Variants in PCDHA5 observed in about 807,000 individuals in gnomAD.
PCDHA5 encodes the protein protocadherin alpha 5, also known as protocadherin alpha-5.
PCDHA5 carries 43 observed loss-of-function variants against 61.6 expected under a neutral mutation model. That is an observed-to-expected ratio of 0.70 (90% CI 0.55 to 0.90). The LOEUF (loss-of-function observed/expected upper bound fraction) is 0.90. Among genes scored for constraint, PCDHA5 ranks in the 40% least tolerant of loss-of-function variants. The pLI, the probability that PCDHA5 is intolerant of heterozygous loss-of-function variation, is 0.00. For missense variants in PCDHA5, 1,298 were observed against 1,222.7 expected, an observed-to-expected ratio of 1.06 and a Z score of -0.92; for synonymous variants, 627 against 543.9, an observed-to-expected ratio of 1.15 and a Z score of -2.13.
chr5:140,875,349 CTG>C, intron 1 of PCDHA5: 1 of 1,444,894 alleles, frequency 6.9e-7, no homozygotes, highest in Non-Finnish European at 9.1e-7. Context: ...TCCATAATGA[CTG>C]TGATGCTGGA....
chr5:140,842,574 T>C, intron 1 of PCDHA5: 1 of 1,508,332 alleles, frequency 6.6e-7, no homozygotes, highest in East Asian at 2.3e-5. Context: ...CGCGAGAGAG[T>C]GTCGGCCTAT....
intron 1 of PCDHA5, among the ~76,000 whole-genome samples, chr5:140,964,638 A>T (rs1402541821): frequency 3.9e-5 from 6 of 152,098 alleles, no homozygotes; most frequent in Admixed American, 2.0e-4. Context: ...ATTTATTTTC[A>T]GAAACAAGTA....
At chr5:140,965,903 A>T (rs73793545) in intron 1 of PCDHA5, among the ~76,000 whole-genome samples, 2,475 of 152,308 alleles carry the variant, frequency 0.016, 63 homozygotes, top group African/African-American at 0.056. Context: ...CTTGGATCCC[A>T]GGATGCTGGT....
At chr5:140,835,789 C>A (rs2150244748) in intron 1 of PCDHA5, 8 of 1,613,106 alleles carry the variant, frequency 5.0e-6, no homozygotes, top group Non-Finnish European at 5.9e-6. Context: ...GAGAACAACC[C>A]GCCGGGCTGC....
chr5:140,822,339 G>A lies in PCDHA5; in HGVS notation c.564G>A (p.Thr188=), dbSNP rs1347495985. The A allele has an allele frequency of 3.7e-6, 6 of 1,613,926 alleles. No homozygotes were observed. Among genetic ancestry groups the A allele is most frequent in the Non-Finnish European group, 4.2e-6 (5 of 1,179,978 alleles). The change falls in exon 1 of 4, where the codon ACG becomes ACA. Residue 188 remains threonine (T), a synonymous_variant. Transcript: ENST00000529859. ...DLDVKTNEEE[T]NFLELVLRKS... is the part of the protein sequence containing the mutation. ...ATGTTAAAACAAATGAAGAAGAAACGAACTTTTTAGAGCTGGTTTTGAGGA... is the reference window on the plus strand; with the variant it reads ...ATGTTAAAACAAATGAAGAAGAAACAAACTTTTTAGAGCTGGTTTTGAGGA...
At chr5:140,867,409 T>C (rs1299874634) in intron 1 of PCDHA5, 1 of 152,170 alleles carries the variant, frequency 6.6e-6, no homozygotes, top group Admixed American at 6.5e-5. Context: ...ATGTCTCCTT[T>C]AATTTTTTAA....
intron 1 of PCDHA5, chr5:140,858,328 G>A (rs782462952): frequency 3.1e-6 from 5 of 1,596,534 alleles, no homozygotes; most frequent in East Asian, 2.2e-5. Context: ...GTTCTGGGGA[G>A]GGCCTGCCCA....
chr5:140,891,076 A>G (rs2062939819), intron 1 of PCDHA5, among the ~76,000 whole-genome samples: 1 of 152,160 alleles, frequency 6.6e-6, no homozygotes, highest in African/African-American at 2.4e-5. Flanking sequence ...TCCAGTGTCT[A>G]CTGGTTTCCA....
intron 3 of PCDHA5, among the ~76,000 whole-genome samples, chr5:140,985,928 C>G (rs1001132600): frequency 9.9e-5 from 15 of 151,534 alleles, no homozygotes; most frequent in Non-Finnish European, 1.3e-4. Context: ...TTTAGTAGAG[C>G]CGGGGTTTCA....
intron 1 of PCDHA5, among the ~76,000 whole-genome samples, chr5:140,953,652 G>A (rs2094921965): frequency 6.6e-6 from 1 of 152,102 alleles, no homozygotes; most frequent in South Asian, 2.1e-4. Context: ...AGCTATAGTT[G>A]TTATCTCTGG....
intron 1 of PCDHA5, chr5:140,847,744 C>T (rs1554141887): frequency 6.7e-6 from 1 of 149,678 alleles, no homozygotes; most frequent in Non-Finnish European, 1.5e-5. Flanking sequence ...ATTTTCTCCC[C>T]ACGCAACACA....
intron 1 of PCDHA5, chr5:140,843,278 G>A (rs147078401): frequency 6.3e-7 from 1 of 1,595,978 alleles, no homozygotes; most frequent in Non-Finnish European, 8.6e-7. Flanking sequence ...CCTGGTGAAG[G>A]ATCATGGTGA....
intron 1 of PCDHA5, among the ~76,000 whole-genome samples, chr5:140,963,188 G>A (rs1333064851): frequency 6.6e-6 from 1 of 151,712 alleles, no homozygotes; most frequent in African/African-American, 2.4e-5. Context: ...GCTGTAGACT[G>A]TGAAAATGAA....
At chr5:140,858,685 T>C in intron 1 of PCDHA5, 1 of 595,990 alleles carries the variant, frequency 1.7e-6, no homozygotes, top group Non-Finnish European at 2.8e-6. Flanking sequence ...AATACACTAA[T>C]ATTTTCCAAT....
At chr5:140,904,399 T>C (rs1583526237) in intron 1 of PCDHA5, among the ~76,000 whole-genome samples, 1 of 151,316 alleles carries the variant, frequency 6.6e-6, no homozygotes, top group East Asian at 1.9e-4. Flanking sequence ...TTCCATGGTG[T>C]ATTATATATA....
At chr5:140,870,416 C>T in intron 1 of PCDHA5, 1 of 1,614,230 alleles carries the variant, frequency 6.2e-7, no homozygotes, top group Non-Finnish European at 8.5e-7. Flanking sequence ...TGGGCCACGG[C>T]CAGGGTATCC....
At chr5:140,943,547 C>T (rs1376489824) in intron 1 of PCDHA5, among the ~76,000 whole-genome samples, 20 of 152,104 alleles carry the variant, frequency 1.3e-4, no homozygotes, top group African/African-American at 4.6e-4. Context: ...TGTAAATAGA[C>T]GTAGACAATA....
At chr5:140,974,496 T>C (rs1554236114) in intron 1 of PCDHA5, among the ~76,000 whole-genome samples, 1 of 152,198 alleles carries the variant, frequency 6.6e-6, no homozygotes, top group Non-Finnish European at 1.5e-5. Flanking sequence ...TCAAATGTAT[T>C]ACCTTTGTGT....
At chr5:140,888,686 T>C (rs1326536229) in intron 1 of PCDHA5, among the ~76,000 whole-genome samples, 1 of 152,214 alleles carries the variant, frequency 6.6e-6, no homozygotes, top group Non-Finnish European at 1.5e-5. Context: ...AAGAGGTCTC[T>C]CTTCTCTGAT....
Sources: allele counts gnomAD v4.1 joint callset (sites outside exome capture counted in the v4.1 genomes callset), GRCh38; gene constraint gnomAD v4.1.1; transcripts MANE v1.5; gene names NCBI Gene and HGNC (gene_info 2026-07-23, HGNC 2026-07-21).